The following DENND5B variants were observed in gnomAD, a reference collection of about 807,000 sequenced individuals.
The protein encoded by DENND5B is DENN domain containing 5B.
In DENND5B, 34 loss-of-function variants were observed where a neutral mutation model predicts 140.6. The observed-to-expected ratio is 0.24, with a 90% confidence interval of 0.18 to 0.32. The LOEUF is 0.32. Ranked by LOEUF, DENND5B falls within the 10% of genes least tolerant of loss-of-function variation. The probability of loss-of-function intolerance (pLI) is 1.00; values close to 1 mark genes in which losing one functional copy is unlikely to be tolerated. For missense variants in DENND5B, 1,142 were observed against 1,560.2 expected, an observed-to-expected ratio of 0.73 and a Z score of 4.52; for synonymous variants, 551 against 562.1, an observed-to-expected ratio of 0.98 and a Z score of 0.28.
chr12:31,393,283 G>C (rs1941248008), intron 17 of DENND5B, among the ~76,000 whole-genome samples: 1 of 152,182 alleles, frequency 6.6e-6, no homozygotes, highest in African/African-American at 2.4e-5. Context: ...AGTTAACCTG[G>C]AGTTTGAAGA....
chr12:31,463,765 G>A (rs1284055821), intron 3 of DENND5B, among the ~76,000 whole-genome samples: 7 of 152,106 alleles, frequency 4.6e-5, no homozygotes, highest in East Asian at 1.9e-4. Flanking sequence ...GGGTTCAAGC[G>A]ATTCTCCTGC....
chr12:31,540,932 T>A (rs1253593938), intron 1 of DENND5B: 1 of 435,040 alleles, frequency 2.3e-6, no homozygotes. Context: ...TAGACAAAGG[T>A]GCCGAGAACA....
At chr12:31,411,620 G>C (rs1942467225) in intron 13 of DENND5B, among the ~76,000 whole-genome samples, 1 of 152,040 alleles carries the variant, frequency 6.6e-6, no homozygotes, top group Non-Finnish European at 1.5e-5. Context: ...TGGGATTACA[G>C]GTGTGAGCCA....
intron 4 of DENND5B, among the ~76,000 whole-genome samples, chr12:31,456,024 C>T (rs1214931266): frequency 7.3e-6 from 1 of 136,866 alleles, no homozygotes; most frequent in African/African-American, 2.7e-5. Context: ...GTCTCAAAAA[C>T]AAAACAACAA....
At chr12:31,490,016 T>C in intron 2 of DENND5B, among the ~76,000 whole-genome samples, 1 of 152,038 alleles carries the variant, frequency 6.6e-6, no homozygotes, top group Non-Finnish European at 1.5e-5. Context: ...AAGGTGAGTA[T>C]ACGGAACAGA....
At chr12:31,414,176 C>T (rs1261322634) in intron 12 of DENND5B, among the ~76,000 whole-genome samples, 1 of 152,118 alleles carries the variant, frequency 6.6e-6, no homozygotes, top group Admixed American at 6.6e-5. Context: ...TGATCCTCTT[C>T]CCTCAGCCTC....
At chr12:31,423,504 T>C in intron 11 of DENND5B, 93 bp downstream of exon 11, 3 of 1,312,660 alleles carry the variant, frequency 2.3e-6, no homozygotes, top group Non-Finnish European at 3.2e-6. Context: ...GAGTAAATTT[T>C]AGCTTGAGAG....
At chr12:31,413,863 A>T (rs912027925) in intron 12 of DENND5B, among the ~76,000 whole-genome samples, 3 of 152,202 alleles carry the variant, frequency 2.0e-5, no homozygotes, top group African/African-American at 7.2e-5. Context: ...GATATCTGTA[A>T]ATAAGAATTT....
chr12:31,451,413 TC>T (rs1771699521), intron 5 of DENND5B, among the ~76,000 whole-genome samples: 1 of 151,974 alleles, frequency 6.6e-6, no homozygotes, highest in African/African-American at 2.4e-5. Flanking sequence ...AACCTCTGCC[TC>T]CCGGGTTCAA....
intron 18 of DENND5B, 105 bp from the exon 19 acceptor site, chr12:31,392,498 T>C: frequency 6.4e-7 from 1 of 1,551,446 alleles, no homozygotes. Context: ...AGCATGTTTT[T>C]ACAGCTACCA....
chr12:31,525,749 G>A (rs539087958), intron 1 of DENND5B, among the ~76,000 whole-genome samples: 2 of 152,182 alleles, frequency 1.3e-5, no homozygotes, highest in Non-Finnish European at 2.9e-5. Flanking sequence ...CCAGCACTTT[G>A]GGAGGCTGAG....
intron 2 of DENND5B, among the ~76,000 whole-genome samples, chr12:31,481,480 G>T (rs548101837): frequency 1.3e-5 from 2 of 152,242 alleles, no homozygotes; most frequent in African/African-American, 4.8e-5. Flanking sequence ...GTTGCTATGG[G>T]AAAAACATAT....
intron 1 of DENND5B, among the ~76,000 whole-genome samples, chr12:31,562,342 G>A (rs777596753): frequency 5.3e-5 from 8 of 152,198 alleles, no homozygotes; most frequent in Non-Finnish European, 1.2e-4. Context: ...GGGCGCAGCA[G>A]CTCATGCCTA....
intron 1 of DENND5B, among the ~76,000 whole-genome samples, chr12:31,546,460 G>GTGGA (rs1348412299): frequency 6.6e-6 from 1 of 152,158 alleles, no homozygotes; most frequent in Non-Finnish European, 1.5e-5. Flanking sequence ...GCTAAGGTGA[G>GTGGA]TGGATCACTT....
At chr12:31,475,058 A>G (rs1420607838) in intron 3 of DENND5B, among the ~76,000 whole-genome samples, 1 of 152,196 alleles carries the variant, frequency 6.6e-6, no homozygotes, top group Non-Finnish European at 1.5e-5. Flanking sequence ...ATTACTTACT[A>G]GCTGTATCAT....
intron 1 of DENND5B, among the ~76,000 whole-genome samples, chr12:31,546,762 C>A (rs1423994880): frequency 6.6e-6 from 1 of 152,110 alleles, no homozygotes; most frequent in Non-Finnish European, 1.5e-5. Flanking sequence ...CTAAAAGACC[C>A]AGGGAGGAGT....
intron 20 of DENND5B, 148 bp downstream of exon 20, chr12:31,389,176 G>A (rs552691313): frequency 2.2e-4 from 152 of 698,052 alleles, no homozygotes; most frequent in Middle Eastern, 4.1e-4. Context: ...CAGCCTAGGC[G>A]ATGGAGTGAG....
intron 6 of DENND5B, chr12:31,443,960 A>G (rs1219045449): frequency 1.3e-5 from 2 of 152,218 alleles, no homozygotes; most frequent in Non-Finnish European, 2.9e-5. Flanking sequence ...AACCACTAAG[A>G]GTCAGGGATG....
At chr12:31,441,591 C>T (rs1944034849) in intron 7 of DENND5B, among the ~76,000 whole-genome samples, 1 of 152,204 alleles carries the variant, frequency 6.6e-6, no homozygotes, top group South Asian at 2.1e-4. Flanking sequence ...AAGTGATCCT[C>T]CCATCTCAGC....
Sources: allele counts gnomAD v4.1 joint callset (sites outside exome capture counted in the v4.1 genomes callset), GRCh38; gene constraint gnomAD v4.1.1; transcripts MANE v1.5; gene names NCBI Gene and HGNC (gene_info 2026-07-23, HGNC 2026-07-21).